Variants in NR4A3 observed in about 807,000 individuals in gnomAD.
The protein encoded by NR4A3 is nuclear receptor subfamily 4 group A member 3, also known as chondrosarcoma, extraskeletal myxoid, fused to EWS.
A neutral mutation model predicts 55.6 loss-of-function variants in NR4A3; 13 were observed. That is an observed-to-expected ratio of 0.23 (90% CI 0.15 to 0.37). The LOEUF (loss-of-function observed/expected upper bound fraction) is 0.37, where lower values mean the gene tolerates loss of function less well. NR4A3 is among the 10% of genes least tolerant of loss of function. The pLI, the probability that NR4A3 is intolerant of heterozygous loss-of-function variation, is 1.00. For missense variants in NR4A3, 646 were observed against 822.8 expected, an observed-to-expected ratio of 0.79 and a Z score of 2.63; for synonymous variants, 342 against 357.9, an observed-to-expected ratio of 0.96 and a Z score of 0.50.
Position 99,828,780 on chromosome 9 carries a change from G to T in NR4A3, c.738G>T (p.Pro246=). ...TTGAGAGCCACCCGTACGGGCTGCC[G>T]CTGGCCAAGAGGGCGGCCCCGCTGG... is the stretch of plus-strand genomic sequence containing the variant. ...AALESHPYGL[P]LAKRAAPLAF... is the part of the protein sequence containing the mutation. Residue 246 remains proline, a synonymous_variant, in exon 3 of 8, where the codon CCG becomes CCT. Transcript: ENST00000395097. This position sits in a 1 kb window ranked among gnomAD's most constrained non-coding sequence, Gnocchi z 7.7. The T allele has an allele frequency of 6.9e-7, 1 of 1,450,996 alleles. No homozygotes were observed. The allele number at this position is 1,450,996 out of a possible 1,614,324, so 89.9% of individuals were successfully genotyped here.
intron 7 of NR4A3, among the ~76,000 whole-genome samples, chr9:99,858,531 T>C (rs1238880910): frequency 6.6e-6 from 1 of 152,242 alleles, no homozygotes; most frequent in African/African-American, 2.4e-5. Flanking sequence ...GAATAGGTGT[T>C]CAATAAATAT....
Position 99,828,609 on chromosome 9 carries a change from G to T in NR4A3, c.567G>T (p.Pro189=), listed in dbSNP as rs897620552. The change falls in exon 3 of 8, where the codon CCG becomes CCT. Residue 189 remains proline (P), a synonymous_variant. Transcript: ENST00000395097. The surrounding 1 kb of genome is among the most constrained non-coding windows in gnomAD (Gnocchi z 7.7). ...AVPTVAGARF[P]LFHFKPSPPH... Reference sequence around the variant, plus strand: ...CCACGGTGGCCGGCGCGCGCTTCCCGCTCTTCCACTTCAAGCCCTCGCCGC... The same window carrying T: ...CCACGGTGGCCGGCGCGCGCTTCCCTCTCTTCCACTTCAAGCCCTCGCCGC... 2.0e-6 allele frequency: 3 copies of T among 1,532,224 alleles called. No homozygotes were observed. The highest frequency in any genetic ancestry group is 2.8e-5 in the African/African-American group (2 of 70,736). The allele number at this position is 1,532,224 out of a possible 1,614,324, so 94.9% of individuals were successfully genotyped here.
intron 5 of NR4A3, among the ~76,000 whole-genome samples, chr9:99,843,997 A>AC (rs1054410727): frequency 6.6e-6 from 1 of 151,578 alleles, no homozygotes; most frequent in Admixed American, 6.6e-5. Context: ...CAGGTGATTC[A>AC]CCACCACCCC....
At chr9:99,827,702 A>C (rs998014442) in intron 2 of NR4A3, among the ~76,000 whole-genome samples, 11 of 152,202 alleles carry the variant, frequency 7.2e-5, no homozygotes, top group African/African-American at 2.7e-4. Context: ...CACTCCAATT[A>C]GTTTATAGGA....
At chr9:99,827,975 G>A in intron 2 of NR4A3, 66 bp from the exon 3 acceptor site, 1 of 1,547,604 alleles carries the variant, frequency 6.5e-7, no homozygotes. Flanking sequence ...TGAACCCAAT[G>A]CTGCCTGTTG....
In NR4A3 at chr9:99,842,836, T is replaced by C. The variant is rs142975243; in HGVS notation, c.1255-1813T>C. Among the ~76,000 whole-genome samples the C allele has an allele frequency of 1.8e-3, 277 of 152,342 alleles. 1 individual carries two copies. The highest frequency in any genetic ancestry group is 6.5e-3 in the African/African-American group (271 of 41,570). ...AGCATAAGTCCTGGCTGTACCACTA[T>C]TGGTTGTGTAACTTGAGAAAATCTC... is the stretch of plus-strand genomic sequence containing the variant. On this transcript the variant is annotated intron_variant, in intron 5 of 7. Coordinates refer to ENST00000395097, the MANE Select transcript of NR4A3 (RefSeq NM_006981.4).
chr9:99,831,993 T>C (rs1467669575), intron 3 of NR4A3, among the ~76,000 whole-genome samples: 1 of 152,188 alleles, frequency 6.6e-6, no homozygotes, highest in East Asian at 1.9e-4. Context: ...TCTTTCTTTG[T>C]CTCATTTTTC....
chr9:99,852,373 G>T (rs1256362615), intron 7 of NR4A3, among the ~76,000 whole-genome samples: 1 of 152,186 alleles, frequency 6.6e-6, no homozygotes, highest in Non-Finnish European at 1.5e-5. Context: ...TGTATGTCCT[G>T]GAGTGAGCAT....
At chr9:99,856,552 T>C (rs1186071641) in intron 7 of NR4A3, among the ~76,000 whole-genome samples, 1 of 152,144 alleles carries the variant, frequency 6.6e-6, no homozygotes, top group East Asian at 1.9e-4. Flanking sequence ...GGATGGCAAA[T>C]TTTAGCTCAA....
rs117410033 is a variant in NR4A3, at chr9:99,858,776, T to G, written c.1634-4844T>G. ...GAGGCTTACCTTCCATACCTATTAC[T>G]TAAAGATAATCTTTGTCCTGCCTAA... On this transcript the variant is annotated intron_variant, in intron 7 of 7. Transcript: ENST00000395097. 7.0e-3 allele frequency among the ~76,000 whole-genome samples: 1,067 copies of G among 152,364 alleles called. 8 individuals carry two copies. Among genetic ancestry groups the G allele is most frequent in the Non-Finnish European group, 0.012 (844 of 68,028 alleles).
chr9:99,860,237 A>G (rs1827989220), intron 7 of NR4A3, among the ~76,000 whole-genome samples: 1 of 149,822 alleles, frequency 6.7e-6, no homozygotes, highest in African/African-American at 2.5e-5. Context: ...ATTTTGCTTC[A>G]TGGCCTTCAC....
intron 5 of NR4A3, among the ~76,000 whole-genome samples, chr9:99,836,507 T>C (rs1482415633): frequency 2.0e-5 from 3 of 152,224 alleles, no homozygotes; most frequent in Non-Finnish European, 4.4e-5. Flanking sequence ...AGTTCTAAGC[T>C]GGGATTTACT....
At chr9:99,826,876 A>C (rs1021492528) in intron 2 of NR4A3, 3 of 1,420,112 alleles carry the variant, frequency 2.1e-6, no homozygotes, top group African/African-American at 2.8e-5. Flanking sequence ...CATAGACTCC[A>C]AAGAGGCGTT....
At chr9:99,850,921 G>T (rs1827838491) in intron 7 of NR4A3, among the ~76,000 whole-genome samples, 1 of 152,208 alleles carries the variant, frequency 6.6e-6, no homozygotes, top group African/African-American at 2.4e-5. Flanking sequence ...AAACTCAGTG[G>T]CATGAGGAAA....
At chr9:99,857,328 G>C (rs957502087) in intron 7 of NR4A3, among the ~76,000 whole-genome samples, 1 of 152,180 alleles carries the variant, frequency 6.6e-6, no homozygotes, top group Non-Finnish European at 1.5e-5. Flanking sequence ...GTTTTAGATA[G>C]AGAGGATACT....
At chr9:99,843,153 T>C (rs1168030759) in intron 5 of NR4A3, among the ~76,000 whole-genome samples, 1 of 152,200 alleles carries the variant, frequency 6.6e-6, no homozygotes, top group East Asian at 1.9e-4. Flanking sequence ...GGGTGAAAAC[T>C]TTATTCCTAC....
intron 7 of NR4A3, among the ~76,000 whole-genome samples, chr9:99,859,938 T>C (rs1827982463): frequency 6.6e-6 from 1 of 152,214 alleles, no homozygotes; most frequent in African/African-American, 2.4e-5. Flanking sequence ...TTTTTCATTA[T>C]TAATTCAATT....
rs1198601512 is a variant in NR4A3 at position 99,822,735 on chromosome 9, A to G, written c.-177+328A>G. 6.6e-6 allele frequency among the ~76,000 whole-genome samples: 1 copy of G among 152,120 alleles called. No individual in the cohort carries two copies. The highest frequency in any genetic ancestry group is 1.5e-5 in the Non-Finnish European group (1 of 68,014). ...GTATTTCGGCTCTAGTTGTCATGGT[A>G]ATGATGCTCTCGGCGGCGGCGGCGG... On this transcript the variant is annotated intron_variant, in intron 1 of 7. Transcript: ENST00000395097. The surrounding 1 kb of genome is among the most constrained non-coding windows in gnomAD (Gnocchi z 4.9).
intron 5 of NR4A3, among the ~76,000 whole-genome samples, chr9:99,838,403 A>T (rs1827596725): frequency 6.6e-6 from 1 of 152,220 alleles, no homozygotes; most frequent in Admixed American, 6.5e-5. Flanking sequence ...GTGGCTTAAG[A>T]CACGTTAGAA....
Sources: gnomAD v4.1 joint callset for allele counts (sites outside exome capture counted in the v4.1 genomes callset) on GRCh38, gnomAD v4.1.1 for gene constraint, Gnocchi (gnomAD v3.1) non-coding constraint, MANE v1.5 for transcripts, NCBI Gene and HGNC (gene_info 2026-07-23, HGNC 2026-07-21) for gene names.